Variants in ASS1 observed in about 807,000 individuals in gnomAD.
ASS1 encodes argininosuccinate synthase.
Under a neutral mutation model 60.5 loss-of-function variants are expected in ASS1, and 58 were observed. The observed-to-expected ratio is 0.96, with a 90% confidence interval of 0.78 to 1.19. ASS1 has a LOEUF of 1.19. ASS1 is among the 50% of genes most tolerant of loss of function. ASS1 has a pLI of 0.00. For synonymous variants in ASS1, 200 were observed against 206.9 expected, an observed-to-expected ratio of 0.97 and a Z score of 0.29; for missense variants, 454 against 547.3, an observed-to-expected ratio of 0.83 and a Z score of 1.70.
At chr9:130,450,105 G>A (rs1845294210) in intron 1 of ASS1, among the ~76,000 whole-genome samples, 1 of 152,174 alleles carries the variant, frequency 6.6e-6, no homozygotes, top group South Asian at 2.1e-4. Context: ...ATGCCTTCTG[G>A]AGCAGGGGGC....
intron 11 of ASS1, among the ~76,000 whole-genome samples, chr9:130,485,790 G>C (rs896543467): frequency 3.3e-5 from 5 of 152,200 alleles, no homozygotes; most frequent in African/African-American, 1.2e-4. Flanking sequence ...GTGCTCTTGG[G>C]AAATTGCTTT....
Position 130,480,400 on chromosome 9 carries a change from G to A in ASS1, c.789G>A (p.Val263=), listed in dbSNP as rs1419381608. ...YLNEVAGKHG[V]GRIDIVENRF... is the part of the protein sequence containing the mutation. ...CTTCCCACAGGGGCAAGCATGGCGT[G>A]GGCCGTATTGACATCGTGGAGAACC... The change falls in exon 11 of 15, where the codon GTG becomes GTA. Residue 263 remains valine, a synonymous_variant. Transcript: ENST00000352480. The A allele has an allele frequency of 1.7e-5, 27 of 1,614,206 alleles. 1 individual carries two copies. The South Asian group carries it at 2.6e-4, about 16-fold the overall frequency.
intron 13 of ASS1, among the ~76,000 whole-genome samples, chr9:130,497,738 G>A (rs1057006861): frequency 2.0e-5 from 3 of 152,176 alleles, no homozygotes; most frequent in African/African-American, 7.2e-5. Context: ...TGGAGGTGAA[G>A]GGACAGATGG....
At position 130,476,698 on chromosome 9, in the gene ASS1, T is replaced by C; in HGVS notation, c.598-173T>C. The stretch of plus-strand genomic sequence containing the variant: ...TCCAGCCCTTTGTTTCCCAGGCCTC[T>C]GGCAAGCGAGGCTGGTGCTAGGCTG... On this transcript the variant is annotated intron_variant, in intron 8 of 14. Transcript: ENST00000352480. The surrounding 1 kb of genome is among the most constrained non-coding windows in gnomAD (Gnocchi z 4.9). 1.5e-6 allele frequency: 1 copy of C among 682,436 alleles called. No homozygotes were observed. The highest frequency in any genetic ancestry group is 2.6e-6 in the Non-Finnish European group (1 of 378,778). 42.3% of individuals were successfully genotyped at this position (682,436 alleles called of 1,614,324 possible).
At chr9:130,467,003 G>A (rs969509139) in intron 6 of ASS1, among the ~76,000 whole-genome samples, 10 of 152,222 alleles carry the variant, frequency 6.6e-5, no homozygotes, top group Non-Finnish European at 7.3e-5. Context: ...CTGCCAGCCC[G>A]TTGCCAGGGC....
At chr9:130,471,038 G>A in intron 7 of ASS1, 134 bp downstream of exon 7, 1 of 1,048,324 alleles carries the variant, frequency 9.5e-7, no homozygotes, top group Non-Finnish European at 1.5e-6. Flanking sequence ...GCCTCAGGCA[G>A]GACAGAGGTC....
intron 13 of ASS1, among the ~76,000 whole-genome samples, chr9:130,497,907 G>A (rs1846643595): frequency 6.6e-6 from 1 of 152,240 alleles, no homozygotes; most frequent in Non-Finnish European, 1.5e-5. Flanking sequence ...TGACTGCACA[G>A]AAAGGGGTGG....
At position 130,489,348 on chromosome 9, in the gene ASS1, C is replaced by A. The variant is rs1313489293; in HGVS notation, c.854C>A (p.Pro285Gln). The A allele has an allele frequency of 9.3e-6, 15 of 1,613,832 alleles. No homozygotes were observed. The highest frequency in any genetic ancestry group is 1.3e-5 in the Non-Finnish European group (15 of 1,180,018). ...GMKSRGIYET[P>Q]AGTILYHAHL... is the part of the protein sequence containing the mutation. ...AAATGGCTAGGTATCTACGAGACCC[C>A]AGCAGGCACCATCCTTTACCATGCT... is the stretch of plus-strand genomic sequence containing the variant. The change falls in exon 12 of 15, where the codon CCA becomes CAA. Residue 285 changes from proline to glutamine, a missense_variant. Physicochemically the swap from Pro to Gln is moderately conservative, Grantham distance 76. Coordinates refer to ENST00000352480, the MANE Select transcript of ASS1 (RefSeq NM_054012.4). This position sits in a 1 kb window ranked among gnomAD's most constrained non-coding sequence, Gnocchi z 4.1.
At chr9:130,487,851 A>G (rs954120746) in intron 11 of ASS1, among the ~76,000 whole-genome samples, 3 of 151,814 alleles carry the variant, frequency 2.0e-5, no homozygotes, top group African/African-American at 7.3e-5. Flanking sequence ...CCCAGGCTCC[A>G]GTGATCCTCC....
chr9:130,452,177 C>T (rs1338238563), intron 1 of ASS1, 47 bp from the exon 2 acceptor site: 1 of 1,524,968 alleles, frequency 6.6e-7, no homozygotes, highest in South Asian at 1.1e-5. Context: ...TGGCGGGGGG[C>T]ACTGGCTGTC....
intron 9 of ASS1, among the ~76,000 whole-genome samples, chr9:130,479,301 G>A (rs1170048783): frequency 6.6e-6 from 1 of 152,176 alleles, no homozygotes; most frequent in Admixed American, 6.5e-5. Flanking sequence ...GTGTGTGTGT[G>A]TGTGAGCGAG....
At chr9:130,445,332 C>T in intron 1 of ASS1, 6 of 770,736 alleles carry the variant, frequency 7.8e-6, no homozygotes, top group Non-Finnish European at 9.5e-6. Flanking sequence ...GATCCGGCTT[C>T]CTCTGTGTCG....
chr9:130,493,579 G>A (rs1846505293), intron 12 of ASS1, among the ~76,000 whole-genome samples: 1 of 152,122 alleles, frequency 6.6e-6, no homozygotes, highest in Admixed American at 6.5e-5. Flanking sequence ...CTCTGCAGGT[G>A]CCCCCAGGGG....
chr9:130,459,918 G>A lies in ASS1; in HGVS notation c.363+1329G>A, dbSNP rs1845548056. Reference sequence around the variant, plus strand: ...GTGCAAGACAGGAAGCCCCCTGCCTGCTGCTCTTCGGAAGGCAGTCCTTGA... The same window carrying A: ...GTGCAAGACAGGAAGCCCCCTGCCTACTGCTCTTCGGAAGGCAGTCCTTGA... On this transcript the variant is annotated intron_variant, in intron 4 of 14. Coordinates refer to ENST00000352480, the MANE Select transcript of ASS1 (RefSeq NM_054012.4). This position sits in a 1 kb window ranked among gnomAD's most constrained non-coding sequence, Gnocchi z 4.6. Among the ~76,000 whole-genome samples, 1 of 152,262 alleles carries A rather than the reference G, an allele frequency of 6.6e-6. No homozygotes were observed. Among genetic ancestry groups the A allele is most frequent in the African/African-American group, 2.4e-5 (1 of 41,468 alleles).
rs990803455 is a variant in ASS1, at chr9:130,500,983, G to A, written c.1201G>A (p.Glu401Lys). ...TTTGAATCTGGTTTACAGGCTGAAG[G>A]AATATCATCGTCTCCAGAGCAAGGT... ...FININSLRLK[E>K]YHRLQSKVTA... The change falls in exon 15 of 15, where the codon GAA (glutamate) becomes AAA (lysine). Residue 401 changes from glutamate (E) to lysine (K), a missense_variant. Transcript: ENST00000352480. 2 of 1,613,768 alleles carry A rather than the reference G, an allele frequency of 1.2e-6. No individual in the cohort carries two copies. Among genetic ancestry groups the A allele is most frequent in the South Asian group, 2.2e-5 (2 of 91,078 alleles).
intron 11 of ASS1, among the ~76,000 whole-genome samples, chr9:130,483,082 G>A (rs1209272722): frequency 6.6e-6 from 1 of 152,112 alleles, no homozygotes; most frequent in African/African-American, 2.4e-5. Context: ...GTAATTTTAG[G>A]GTGGTGTCTT....
chr9:130,495,035 A>T lies in ASS1; in HGVS notation c.1127+12A>T, dbSNP rs771585700. ...GAGGAGCTGGTGAGGTAGGTGCCCC[A>T]CACCTCATTCTGACCCCCACTTGGG... On this transcript the variant is annotated intron_variant, in intron 13 of 14. Transcript: ENST00000352480. The T allele has an allele frequency of 6.2e-7, 1 of 1,605,152 alleles. No individual in the cohort carries two copies. Among genetic ancestry groups the T allele is most frequent in the Non-Finnish European group, 8.5e-7 (1 of 1,176,600 alleles).
At chr9:130,483,897 A>C (rs578171219) in intron 11 of ASS1, among the ~76,000 whole-genome samples, 15 of 136,870 alleles carry the variant, frequency 1.1e-4, no homozygotes, top group Admixed American at 5.8e-4. Context: ...CTTCCTCCTT[A>C]CTCCTCCACT....
chr9:130,499,013 G>A (rs1025048407), intron 13 of ASS1, among the ~76,000 whole-genome samples: 1 of 152,210 alleles, frequency 6.6e-6, no homozygotes, highest in African/African-American at 2.4e-5. Flanking sequence ...GGGGAAAGGT[G>A]ACTTGGTGGG....
Sources: gnomAD v4.1 joint callset for allele counts (sites outside exome capture counted in the v4.1 genomes callset) on GRCh38, gnomAD v4.1.1 for gene constraint, Gnocchi (gnomAD v3.1) non-coding constraint, MANE v1.5 for transcripts, NCBI Gene and HGNC (gene_info 2026-07-23, HGNC 2026-07-21) for gene names.